Variants in ZSWIM6 observed in about 807,000 individuals in gnomAD.
The protein encoded by ZSWIM6 is zinc finger SWIM-type containing 6, also known as zinc finger SWIM domain-containing protein 6.
A neutral mutation model predicts 113.2 loss-of-function variants in ZSWIM6; 9 were observed. The ratio of observed to expected loss-of-function variants is 0.08; its 90% CI spans 0.05 to 0.14. The LOEUF is 0.14. ZSWIM6 is among the 10% of genes least tolerant of loss of function. The pLI, the probability that ZSWIM6 is intolerant of heterozygous loss-of-function variation, is 1.00. For missense variants in ZSWIM6, 1,162 were observed against 1,552.2 expected, an observed-to-expected ratio of 0.75 and a Z score of 4.22; for synonymous variants, 611 against 606.5, an observed-to-expected ratio of 1.01 and a Z score of -0.11.
chr5:61,348,874 A>G (rs888794313), intron 1 of ZSWIM6, among the ~76,000 whole-genome samples: 4 of 152,198 alleles, frequency 2.6e-5, no homozygotes, highest in Non-Finnish European at 5.9e-5. Flanking sequence ...TGGGTAGAAC[A>G]ATCCCTTCTG....
intron 1 of ZSWIM6, 85 bp downstream of exon 1, chr5:61,333,033 G>GC (rs1412956319): frequency 9.3e-7 from 1 of 1,076,178 alleles, no homozygotes; most frequent in Non-Finnish European, 1.1e-6. Flanking sequence ...CCTGCGGACA[G>GC]CCCCTAGTTC....
At chr5:61,476,058 A>G (rs1747701760) in intron 2 of ZSWIM6, among the ~76,000 whole-genome samples, 1 of 152,238 alleles carries the variant, frequency 6.6e-6, no homozygotes, top group Non-Finnish European at 1.5e-5. Context: ...GGCATCATAA[A>G]GACAAGATTT....
Position 61,521,293 on chromosome 5 carries a change from C to G in ZSWIM6, c.1364C>G (p.Pro455Arg). 6.7e-7 allele frequency: 1 copy of G among 1,502,856 alleles called. No homozygotes were observed. The highest frequency in any genetic ancestry group is 8.9e-7 in the Non-Finnish European group (1 of 1,123,092). The allele number at this position is 1,502,856 out of a possible 1,614,324, so 93.1% of individuals were successfully genotyped here. The part of the protein sequence containing the change: ...GALWMCIVLN[P>R]HCKLEQKASW... The stretch of plus-strand genomic sequence containing the variant: ...CTGTGGATGTGTATAGTTTTAAACC[C>G]CCACTGCAAGTTGGAGCAAAAGGCC... The change falls in exon 5 of 14, where the codon CCC becomes CGC. Residue 455 changes from proline (P) to arginine (R), a missense_variant. By Grantham distance (103) the Pro-to-Arg change is moderately radical (BLOSUM62 -2). Transcript: ENST00000252744.
chr5:61,433,490 G>A (rs74579946), intron 1 of ZSWIM6, among the ~76,000 whole-genome samples: 1 of 97,190 alleles, frequency 1.0e-5, no homozygotes, highest in Non-Finnish European at 2.2e-5. Flanking sequence ...TTTTTTTTTT[G>A]AGACAGAGTT....
intron 1 of ZSWIM6, among the ~76,000 whole-genome samples, chr5:61,361,835 A>G (rs1334747988): frequency 6.6e-6 from 1 of 152,214 alleles, no homozygotes; most frequent in East Asian, 1.9e-4. Flanking sequence ...CTCACAGGAA[A>G]TTTAGTGTGA....
At chr5:61,362,454 T>C (rs2112054805) in intron 1 of ZSWIM6, among the ~76,000 whole-genome samples, 1 of 152,270 alleles carries the variant, frequency 6.6e-6, no homozygotes, top group Middle Eastern at 3.4e-3. Flanking sequence ...CACTTTGGCC[T>C]CCCAAAGTGC....
At chr5:61,378,736 T>A (rs1237360745) in intron 1 of ZSWIM6, among the ~76,000 whole-genome samples, 1 of 152,174 alleles carries the variant, frequency 6.6e-6, no homozygotes. Context: ...TGTATTTTTT[T>A]AGTAGAGATG....
chr5:61,488,182 A>G (rs1748073383), intron 2 of ZSWIM6, among the ~76,000 whole-genome samples: 1 of 151,980 alleles, frequency 6.6e-6, no homozygotes. Flanking sequence ...TTGCATGTTA[A>G]ACAATCCTTG....
intron 1 of ZSWIM6, among the ~76,000 whole-genome samples, chr5:61,440,798 T>C (rs1746812823): frequency 1.3e-5 from 2 of 152,190 alleles, no homozygotes; most frequent in African/African-American, 2.4e-5. Context: ...ATTTAATGCG[T>C]GCCAGCCATG....
chr5:61,367,011 G>A (rs550724508), intron 1 of ZSWIM6, among the ~76,000 whole-genome samples: 1 of 151,136 alleles, frequency 6.6e-6, no homozygotes, highest in East Asian at 1.9e-4. Flanking sequence ...TTAAGTGATA[G>A]CATGAGGAAG....
chr5:61,480,418 G>C (rs763846855), intron 2 of ZSWIM6, among the ~76,000 whole-genome samples: 9 of 152,142 alleles, frequency 5.9e-5, no homozygotes, highest in Non-Finnish European at 1.3e-4. Context: ...TTTGTTGGGG[G>C]AGCAGAACCC....
chr5:61,337,596 A>G (rs531021131), intron 1 of ZSWIM6, among the ~76,000 whole-genome samples: 2 of 152,362 alleles, frequency 1.3e-5, no homozygotes, highest in Non-Finnish European at 2.9e-5. Context: ...TACTCAGTGG[A>G]ATACTATGCA....
chr5:61,501,268 T>C (rs1261356779), intron 4 of ZSWIM6, among the ~76,000 whole-genome samples: 3 of 152,174 alleles, frequency 2.0e-5, no homozygotes, highest in African/African-American at 7.2e-5. Flanking sequence ...TATTTTCTGC[T>C]TCTTTAAGTA....
At chr5:61,376,592 A>G (rs528110446) in intron 1 of ZSWIM6, among the ~76,000 whole-genome samples, 108 of 126,552 alleles carry the variant, frequency 8.5e-4, no homozygotes, top group African/African-American at 3.2e-3. Context: ...CACTTCAGTA[A>G]TAATGAATAT....
chr5:61,424,754 G>T (rs1746430037), intron 1 of ZSWIM6, among the ~76,000 whole-genome samples: 1 of 146,342 alleles, frequency 6.8e-6, no homozygotes, highest in South Asian at 2.2e-4. Flanking sequence ...TGGAGATGGA[G>T]TTTTGCTCTG....
At chr5:61,403,540 T>A (rs926861545) in intron 1 of ZSWIM6, among the ~76,000 whole-genome samples, 1 of 152,200 alleles carries the variant, frequency 6.6e-6, no homozygotes, top group Admixed American at 6.5e-5. Flanking sequence ...TATAGCTCCT[T>A]TATTTCTCGC....
At chr5:61,540,235 T>C (rs1561285401) in intron 12 of ZSWIM6, among the ~76,000 whole-genome samples, 2 of 152,190 alleles carry the variant, frequency 1.3e-5, no homozygotes. Flanking sequence ...GGAGGAGTGA[T>C]CGGGCCAGAG....
Position 61,505,085 on chromosome 5 carries a change from T to C in ZSWIM6, c.1333+10675T>C, listed in dbSNP as rs780534711. ...ACTATTATGTGTCAGTTGAGTCTTC[T>C]GGAAATAGAGTTATATAGACTTTGG... On this transcript the variant is annotated intron_variant, in intron 4 of 13. Coordinates refer to ENST00000252744, the MANE Select transcript of ZSWIM6 (RefSeq NM_020928.2). Among the ~76,000 whole-genome samples, 78 of 152,324 alleles carry C rather than the reference T, an allele frequency of 5.1e-4. 1 individual carries two copies. The highest frequency in any genetic ancestry group is 3.4e-3 in the Middle Eastern group (1 of 294).
At chr5:61,517,749 TC>T (rs1300976928) in intron 4 of ZSWIM6, among the ~76,000 whole-genome samples, 1 of 151,320 alleles carries the variant, frequency 6.6e-6, no homozygotes, top group Non-Finnish European at 1.5e-5. Context: ...AGAATTGAAA[TC>T]CTCAGGAGAT....
Sources: allele counts gnomAD v4.1 joint callset (sites outside exome capture counted in the v4.1 genomes callset), GRCh38; gene constraint gnomAD v4.1.1; transcripts MANE v1.5; gene names NCBI Gene and HGNC (gene_info 2026-07-23, HGNC 2026-07-21).